Variants in LRP1B observed in about 807,000 individuals in gnomAD.
The protein encoded by LRP1B is LDL receptor related protein 1B, also known as low-density lipoprotein receptor-related protein 1B.
LRP1B carries 217 observed loss-of-function variants against 556.6 expected under a neutral mutation model. That is an observed-to-expected ratio of 0.39 (90% CI 0.35 to 0.44). LRP1B has a LOEUF of 0.44. Among genes scored for constraint, LRP1B ranks in the 20% least tolerant of loss-of-function variants. The pLI is 1.00. For missense variants in LRP1B, 5,053 were observed against 5,620.8 expected (o/e 0.90, Z 3.23); for synonymous variants, 2,047 against 1,865.8 (o/e 1.10, Z -2.50).
chr2:141,419,144 T>C (rs1428468268), intron 3 of LRP1B, among the ~76,000 whole-genome samples: 2 of 152,124 alleles, frequency 1.3e-5, no homozygotes, highest in Admixed American at 1.3e-4. Context: ...CTGTATTTAA[T>C]AGAAGAATAA....
At chr2:141,622,103 C>T (rs1389015957) in intron 2 of LRP1B, among the ~76,000 whole-genome samples, 1 of 152,070 alleles carries the variant, frequency 6.6e-6, no homozygotes, top group African/African-American at 2.4e-5. Flanking sequence ...GTTGGTCAGG[C>T]AGGTCTTGAA....
chr2:142,061,777 T>TA (rs1204478078), intron 1 of LRP1B, among the ~76,000 whole-genome samples: 2 of 151,998 alleles, frequency 1.3e-5, no homozygotes, highest in Non-Finnish European at 2.9e-5. Flanking sequence ...CATAAAAACT[T>TA]ACAAAACTCA....
chr2:141,960,231 A>T (rs369959542), intron 1 of LRP1B, among the ~76,000 whole-genome samples: 13 of 151,742 alleles, frequency 8.6e-5, no homozygotes, highest in East Asian at 7.8e-4. Context: ...CAAAGATGCT[A>T]ATTGATTTTT....
chr2:141,942,322 T>C (rs573565051), intron 1 of LRP1B, among the ~76,000 whole-genome samples: 1 of 152,314 alleles, frequency 6.6e-6, no homozygotes, highest in East Asian at 1.9e-4. Context: ...TTGAAATGCC[T>C]GTGAAGTACA....
At chr2:141,321,255 A>G (rs1049069660) in intron 3 of LRP1B, among the ~76,000 whole-genome samples, 1 of 152,110 alleles carries the variant, frequency 6.6e-6, no homozygotes, top group African/African-American at 2.4e-5. Context: ...ATACTAGTTA[A>G]TAGTAAATAA....
chr2:140,820,224 C>A (rs1037392299), intron 31 of LRP1B, among the ~76,000 whole-genome samples: 1 of 152,206 alleles, frequency 6.6e-6, no homozygotes, highest in Non-Finnish European at 1.5e-5. Context: ...AAGTGATCCA[C>A]CTGGCTCAGC....
intron 12 of LRP1B, among the ~76,000 whole-genome samples, chr2:141,017,297 A>T (rs1278898281): frequency 6.6e-6 from 1 of 151,784 alleles, no homozygotes. Flanking sequence ...ATCTCTATTG[A>T]TATTTTCCTG....
chr2:140,660,687 T>C (rs1456135261), intron 41 of LRP1B, among the ~76,000 whole-genome samples: 2 of 152,070 alleles, frequency 1.3e-5, no homozygotes, highest in Non-Finnish European at 2.9e-5. Context: ...ACGTCTTTCT[T>C]TTCTTTGTTT....
chr2:140,420,846 A>G (rs959784447), intron 66 of LRP1B, among the ~76,000 whole-genome samples: 2 of 152,194 alleles, frequency 1.3e-5, no homozygotes, highest in Non-Finnish European at 2.9e-5. Flanking sequence ...GGGTGCAGGA[A>G]GCAGTGGGAG....
chr2:141,926,872 T>A (rs1292530152), intron 1 of LRP1B, among the ~76,000 whole-genome samples: 3 of 152,164 alleles, frequency 2.0e-5, no homozygotes, highest in Admixed American at 2.0e-4. Context: ...CAAGGTGAAC[T>A]ATTTTTTTCT....
intron 1 of LRP1B, among the ~76,000 whole-genome samples, chr2:141,939,391 T>A (rs1256463023): frequency 6.6e-6 from 1 of 152,060 alleles, no homozygotes; most frequent in African/African-American, 2.4e-5. Context: ...AACAGAGGAC[T>A]GTGTATGTAT....
intron 35 of LRP1B, among the ~76,000 whole-genome samples, chr2:140,766,840 TATATTATA>T (rs1295810052): frequency 0.043 from 3,183 of 73,498 alleles, 68 homozygotes; most frequent in Middle Eastern, 0.16. Context: ...TATATATATA[TATATTATA>T]TATATATATA....
At chr2:141,267,405 C>G (rs567243485) in intron 3 of LRP1B, among the ~76,000 whole-genome samples, 1 of 152,132 alleles carries the variant, frequency 6.6e-6, no homozygotes, top group African/African-American at 2.4e-5. Context: ...TCTATAATTT[C>G]TAGAGCATCT....
At chr2:140,386,257 A>C (rs564156420) in intron 66 of LRP1B, among the ~76,000 whole-genome samples, 2 of 152,312 alleles carry the variant, frequency 1.3e-5, no homozygotes, top group South Asian at 4.1e-4. Flanking sequence ...ATCCAAGCAA[A>C]GTCAACACAA....
intron 27 of LRP1B, among the ~76,000 whole-genome samples, chr2:140,865,092 C>T (rs1330611479): frequency 2.0e-5 from 3 of 151,968 alleles, no homozygotes; most frequent in Non-Finnish European, 4.4e-5. Flanking sequence ...TATGTTTAAG[C>T]TGTGGTTTGT....
At chr2:141,740,889 A>G (rs1693673552) in intron 2 of LRP1B, among the ~76,000 whole-genome samples, 1 of 152,072 alleles carries the variant, frequency 6.6e-6, no homozygotes, top group African/African-American at 2.4e-5. Context: ...GTACCCATTA[A>G]CCATCCTCAT....
Position 140,398,935 on chromosome 2 carries a change from T to A in LRP1B, c.10415-12926A>T, listed in dbSNP as rs191515791. ...CATTAGGGTCAGAATTACATTTTTT[T>A]AAAAATATGTTTTTCTTAAAAACTC... On this transcript the variant is annotated intron_variant, in intron 66 of 90. Coordinates refer to ENST00000389484, the MANE Select transcript of LRP1B (RefSeq NM_018557.3). 3.7e-4 allele frequency among the ~76,000 whole-genome samples: 56 copies of A among 152,218 alleles called. 1 individual carries two copies. The highest frequency in any genetic ancestry group is 1.5e-3 in the South Asian group (7 of 4,826).
chr2:141,489,748 T>C (rs1683262624), intron 2 of LRP1B, among the ~76,000 whole-genome samples: 1 of 152,092 alleles, frequency 6.6e-6, no homozygotes, highest in Non-Finnish European at 1.5e-5. Flanking sequence ...TAAAACAAAT[T>C]TATAGTATTT....
chr2:141,676,199 A>G (rs1690870788), intron 2 of LRP1B, among the ~76,000 whole-genome samples: 1 of 151,916 alleles, frequency 6.6e-6, no homozygotes, highest in South Asian at 2.1e-4. Flanking sequence ...CTGCCACCCC[A>G]CTATTTTGAG....
Sources: allele counts gnomAD v4.1 joint callset (sites outside exome capture counted in the v4.1 genomes callset), GRCh38; gene constraint gnomAD v4.1.1; transcripts MANE v1.5; gene names NCBI Gene and HGNC (gene_info 2026-07-23, HGNC 2026-07-21).